NKAIN3: variants seen among roughly 807,000 people sequenced by gnomAD.
NKAIN3 encodes sodium/potassium-transporting ATPase subunit beta-1-interacting protein 3.
In NKAIN3, 25 loss-of-function variants were observed where a neutral mutation model predicts 30.2. That is an observed-to-expected ratio of 0.83 (90% CI 0.60 to 1.16). NKAIN3 has a LOEUF of 1.16. Ranked by LOEUF, NKAIN3 falls within the 50% of genes most tolerant of loss-of-function variation. The probability of loss-of-function intolerance (pLI) is 0.00; values close to 1 mark genes in which losing one functional copy is unlikely to be tolerated. For missense variants in NKAIN3, 225 were observed against 254.1 expected (o/e 0.89, Z 0.78); for synonymous variants, 91 against 89.6 (o/e 1.02, Z -0.09).
In NKAIN3 at chr8:62,998,269, TCTC is replaced by T. The variant is rs1428333323; in HGVS notation, c.533-961_533-959del. Reference sequence around the variant, plus strand: ...TCATTTTTCTTTCTCTCTCTCTCTCTCTCTTTTTTTTTCCCCCACAGGGAGGGA... The same window carrying T: ...TCATTTTTCTTTCTCTCTCTCTCTCTTTTTTTTTTCCCCCACAGGGAGGGA... On this transcript the variant is annotated intron_variant, in intron 5 of 5. Coordinates refer to the NKAIN3 transcript ENST00000519049. Among the ~76,000 whole-genome samples the T allele has an allele frequency of 2.6e-5, 4 of 151,968 alleles. No homozygotes were observed. The East Asian group carries it at 5.8e-4, about 22-fold the overall frequency.
intron 5 of NKAIN3, among the ~76,000 whole-genome samples, chr8:62,925,932 A>G (rs1293341655): frequency 6.6e-6 from 1 of 152,124 alleles, no homozygotes; most frequent in Non-Finnish European, 1.5e-5. Flanking sequence ...AGGAGGAATC[A>G]CATCTCCCTA....
At chr8:62,941,098 A>T (rs1822942729) in intron 5 of NKAIN3, among the ~76,000 whole-genome samples, 1 of 152,094 alleles carries the variant, frequency 6.6e-6, no homozygotes, top group South Asian at 2.1e-4. Flanking sequence ...ACAGACAAAG[A>T]TTATTCAAGG....
At chr8:62,584,285 G>A (rs1333915682) in intron 2 of NKAIN3, among the ~76,000 whole-genome samples, 1 of 152,148 alleles carries the variant, frequency 6.6e-6, no homozygotes, top group Non-Finnish European at 1.5e-5. Flanking sequence ...GGAGCACCAG[G>A]TATGTGCTAA....
rs182636616 is a variant in NKAIN3, at chr8:62,803,991, C to A, written c.471+56862C>A. ...TGAGAGAATACTACAAACACCTCTA[C>A]ACAAATAAACTAGAAAATCTAGCAG... On this transcript the variant is annotated intron_variant, in intron 4 of 6. Transcript: ENST00000623646. Among the ~76,000 whole-genome samples, 895 of 152,278 alleles carry A rather than the reference C, an allele frequency of 5.9e-3. 9 individuals are homozygous for A. Among genetic ancestry groups the A allele is most frequent in the African/African-American group, 0.02 (836 of 41,564 alleles).
At chr8:62,787,297 T>A (rs1817553403) in intron 4 of NKAIN3, among the ~76,000 whole-genome samples, 2 of 152,026 alleles carry the variant, frequency 1.3e-5, no homozygotes, top group African/African-American at 2.4e-5. Flanking sequence ...TTCTGTTTAC[T>A]CTCCAAAAGA....
At position 62,801,535 on chromosome 8, in the gene NKAIN3, C is replaced by A. The variant is rs1391637326; in HGVS notation, c.471+54406C>A. Among the ~76,000 whole-genome samples the A allele has an allele frequency of 3.3e-5, 5 of 152,264 alleles. No homozygotes were observed. The East Asian group carries it at 9.7e-4, about 29-fold the overall frequency. ...GTCTGGAGTGGACCTCTAGCAAACT[C>A]CAACAGACCTGCAGCTGAGGGTCCT... On this transcript the variant is annotated intron_variant, in intron 4 of 6. Transcript: ENST00000623646.
intron 1 of NKAIN3, among the ~76,000 whole-genome samples, chr8:62,505,688 T>C (rs1397572164): frequency 4.6e-5 from 7 of 152,184 alleles, no homozygotes. Context: ...AGTAGTATCA[T>C]TGGTATCTTA....
At chr8:62,841,736 A>G (rs1448051255) in intron 4 of NKAIN3, among the ~76,000 whole-genome samples, 1 of 152,150 alleles carries the variant, frequency 6.6e-6, no homozygotes, top group African/African-American at 2.4e-5. Context: ...AGTTGATTCC[A>G]TATCTTGACT....
intron 1 of NKAIN3, among the ~76,000 whole-genome samples, chr8:62,291,035 T>C (rs1813604487): frequency 6.6e-6 from 1 of 152,194 alleles, no homozygotes; most frequent in Admixed American, 6.5e-5. Flanking sequence ...TAGAGGTGTT[T>C]GTAGTATTCT....
intron 3 of NKAIN3, among the ~76,000 whole-genome samples, chr8:62,620,141 AG>A (rs1811578382): frequency 1.3e-5 from 2 of 152,290 alleles, no homozygotes; most frequent in Non-Finnish European, 2.9e-5. Context: ...AGAATATGAT[AG>A]GACACAGGGG....
intron 1 of NKAIN3, among the ~76,000 whole-genome samples, chr8:62,297,991 C>A (rs901986705): frequency 2.7e-4 from 41 of 151,906 alleles, no homozygotes; most frequent in Admixed American, 2.0e-3. Context: ...TACTATGCAG[C>A]CATAAAAAAT....
At chr8:62,884,401 G>A (rs893902128) in intron 4 of NKAIN3, among the ~76,000 whole-genome samples, 1 of 152,076 alleles carries the variant, frequency 6.6e-6, no homozygotes, top group Non-Finnish European at 1.5e-5. Flanking sequence ...TGAGATTACA[G>A]GCATGCGCCA....
At chr8:62,529,813 T>A (rs1808431039) in intron 1 of NKAIN3, among the ~76,000 whole-genome samples, 3 of 152,048 alleles carry the variant, frequency 2.0e-5, no homozygotes, top group African/African-American at 7.2e-5. Flanking sequence ...AGCCAAGAAG[T>A]TTTTACCCAT....
At chr8:62,895,123 T>C (rs1454784891) in intron 4 of NKAIN3, among the ~76,000 whole-genome samples, 1 of 152,218 alleles carries the variant, frequency 6.6e-6, no homozygotes, top group Non-Finnish European at 1.5e-5. Context: ...GGATATTGAA[T>C]AGGCAACTAG....
intron 3 of NKAIN3, among the ~76,000 whole-genome samples, chr8:62,646,577 T>C (rs1348532395): frequency 6.6e-6 from 1 of 152,182 alleles, no homozygotes; most frequent in Non-Finnish European, 1.5e-5. Flanking sequence ...CCACTGTATT[T>C]ATCCACTTTG....
At chr8:62,253,412 C>CA (rs952096833) in intron 1 of NKAIN3, among the ~76,000 whole-genome samples, 14 of 152,038 alleles carry the variant, frequency 9.2e-5, no homozygotes, top group African/African-American at 3.1e-4. Flanking sequence ...CTCATCTCTA[C>CA]AAAAAATTTT....
At chr8:62,995,707 G>A (rs1025707833) in intron 5 of NKAIN3, among the ~76,000 whole-genome samples, 2 of 151,974 alleles carry the variant, frequency 1.3e-5, no homozygotes, top group South Asian at 2.1e-4. Flanking sequence ...TAAGAAGAGT[G>A]GACAATCAAT....
At chr8:62,657,881 C>G (rs1482408576) in intron 3 of NKAIN3, among the ~76,000 whole-genome samples, 1 of 152,190 alleles carries the variant, frequency 6.6e-6, no homozygotes, top group Admixed American at 6.5e-5. Flanking sequence ...GGGAATGAAA[C>G]TACCTGTCCT....
At chr8:62,439,156 GA>G (rs1419762089) in intron 1 of NKAIN3, among the ~76,000 whole-genome samples, 2 of 152,186 alleles carry the variant, frequency 1.3e-5, no homozygotes, top group Non-Finnish European at 2.9e-5. Context: ...GATCTGATGT[GA>G]AAAGTAAATG....
Sources: gnomAD v4.1 joint callset for allele counts (sites outside exome capture counted in the v4.1 genomes callset) on GRCh38, gnomAD v4.1.1 for gene constraint, MANE v1.5 for transcripts, NCBI Gene and HGNC (gene_info 2026-07-23, HGNC 2026-07-21) for gene names.